Variants in ADAM10 observed in about 807,000 individuals in gnomAD.
ADAM10 encodes the protein disintegrin and metalloproteinase domain-containing protein 10.
In ADAM10, 17 loss-of-function variants were observed where a neutral mutation model predicts 90.1. That is an observed-to-expected ratio of 0.19 (90% CI 0.13 to 0.28). ADAM10 has a LOEUF of 0.28. ADAM10 is among the 10% of genes least tolerant of loss of function. ADAM10 has a pLI of 1.00. For missense variants in ADAM10, 610 were observed against 914.3 expected (o/e 0.67, Z 4.29); for synonymous variants, 310 against 298.6 (o/e 1.04, Z -0.40).
chr15:58,672,985 T>G (rs1361747203), intron 4 of ADAM10: 1 of 213,036 alleles, frequency 4.7e-6, no homozygotes, highest in Non-Finnish European at 1.0e-5. Context: ...AGCACCCCTG[T>G]ACACAACTCA....
intron 1 of ADAM10, among the ~76,000 whole-genome samples, chr15:58,725,270 C>T (rs1480990018): frequency 6.6e-6 from 1 of 151,516 alleles, no homozygotes; most frequent in East Asian, 1.9e-4. Context: ...GTAGTGCATG[C>T]CTGCAGTCCC....
chr15:58,705,924 A>C (rs1898273649), intron 2 of ADAM10, among the ~76,000 whole-genome samples: 1 of 152,192 alleles, frequency 6.6e-6, no homozygotes, highest in East Asian at 1.9e-4. Context: ...TACTGTACCT[A>C]ATTTGTAAAC....
At chr15:58,689,320 T>C (rs1897707707) in intron 2 of ADAM10, among the ~76,000 whole-genome samples, 1 of 152,038 alleles carries the variant, frequency 6.6e-6, no homozygotes, top group South Asian at 2.1e-4. Context: ...AGCCTGTCTC[T>C]ACTAAAATAC....
intron 8 of ADAM10, among the ~76,000 whole-genome samples, chr15:58,636,663 A>G (rs575310911): frequency 9.8e-5 from 15 of 152,296 alleles, no homozygotes; most frequent in African/African-American, 3.1e-4. Context: ...TATCTACAGG[A>G]TAGTTTGAGA....
chr15:58,695,786 G>A (rs1176558635), intron 2 of ADAM10, among the ~76,000 whole-genome samples: 1 of 152,074 alleles, frequency 6.6e-6, no homozygotes, highest in African/African-American at 2.4e-5. Context: ...TTCAAGATCA[G>A]CCTGGCCAAC....
rs1281904779 is a variant in ADAM10, at chr15:58,633,259, A to G, written c.1113T>C (p.His371=). ...TAATGTGAGAGACTTTGGGAGGTAC[A>G]TGAGACCCATAGTTCTGAACAGTAA... The part of the protein sequence containing the change: ...GIITVQNYGS[H]VPPKVSHITF... The change falls in exon 9 of 16, where the codon CAT becomes CAC. Residue 371 remains histidine, a synonymous_variant. Transcript: ENST00000260408. 5.0e-6 allele frequency: 8 copies of G among 1,613,360 alleles called. No homozygotes were observed. The highest frequency in any genetic ancestry group is 1.3e-5 in the African/African-American group (1 of 74,918).
intron 2 of ADAM10, among the ~76,000 whole-genome samples, chr15:58,683,722 T>C (rs1425026811): frequency 6.6e-6 from 1 of 151,748 alleles, no homozygotes; most frequent in Non-Finnish European, 1.5e-5. Context: ...TAGCCAGGCA[T>C]GGTGGCTTGC....
At chr15:58,654,634 T>C (rs1013182563) in intron 5 of ADAM10, among the ~76,000 whole-genome samples, 4 of 152,152 alleles carry the variant, frequency 2.6e-5, no homozygotes, top group African/African-American at 7.2e-5. Context: ...CCACATCAGC[T>C]TCCTAAAGTG....
intron 2 of ADAM10, chr15:58,686,455 G>A: frequency 1.4e-6 from 2 of 1,392,568 alleles, no homozygotes; most frequent in South Asian, 1.2e-5. Context: ...GCCTGGTGGA[G>A]CAGCTCAAGT....
At chr15:58,597,682 T>A in intron 15 of ADAM10, 41 bp from the exon 16 acceptor site, 1 of 1,609,284 alleles carries the variant, frequency 6.2e-7, no homozygotes, top group South Asian at 1.1e-5. Context: ...TTATTTATCA[T>A]GAGCTTTTTA....
In ADAM10 at chr15:58,593,434, ACCT is replaced by A. The variant is rs1894874102; in HGVS notation, c.*4110_*4112del. ...TGGCCAGGGTGGTCTCGAACTCCTGACCTCAAGTGATCCACCCGCCTTGGCCTC... is the reference window on the plus strand; with the variant it reads ...TGGCCAGGGTGGTCTCGAACTCCTGACAAGTGATCCACCCGCCTTGGCCTC... On this transcript the variant is annotated 3_prime_UTR_variant, in exon 16 of 16. Coordinates refer to ENST00000260408, the MANE Select transcript of ADAM10 (RefSeq NM_001110.4). The A allele has an allele frequency of 6.6e-6, 1 of 152,206 alleles. No homozygotes were observed. Among genetic ancestry groups the A allele is most frequent in the East Asian group, 1.9e-4 (1 of 5,176 alleles). 9.4% of individuals were successfully genotyped at this position (152,206 alleles called of 1,614,324 possible).
At chr15:58,651,729 A>G (rs573206418) in intron 5 of ADAM10, among the ~76,000 whole-genome samples, 51 of 152,304 alleles carry the variant, frequency 3.3e-4, no homozygotes, top group African/African-American at 1.1e-3. Context: ...ATGGGAGTGC[A>G]GCTATCTCTA....
At chr15:58,693,093 G>A (rs973278892) in intron 2 of ADAM10, 5 of 745,572 alleles carry the variant, frequency 6.7e-6, no homozygotes, top group Non-Finnish European at 1.3e-5. Flanking sequence ...AAATCTCCTT[G>A]TTGGAATAGA....
rs1896395213 is a variant in ADAM10, at chr15:58,640,686, C to T, written c.1012+91G>A. On this transcript the variant is annotated intron_variant, in intron 8 of 15. Transcript: ENST00000260408. ...AAATTAGGATATTATACAGGCATCA[C>T]TTTCTCCTATACTTTGAAAATTCAA... The T allele has an allele frequency of 4.0e-6, 5 of 1,258,100 alleles. No individual in the cohort carries two copies. In the Admixed American group the frequency reaches 9.7e-5, roughly 24 times the overall value. The allele number at this position is 1,258,100 out of a possible 1,614,324, so 77.9% of individuals were successfully genotyped here. A position where few individuals can be genotyped will look rare whatever the true frequency, so the allele number is the denominator to read the frequency against.
chr15:58,614,636 C>T (rs1398187770), intron 11 of ADAM10, among the ~76,000 whole-genome samples: 1 of 152,116 alleles, frequency 6.6e-6, no homozygotes, highest in Non-Finnish European at 1.5e-5. Flanking sequence ...AGTCTATACC[C>T]AGCAAAACTA....
At chr15:58,679,337 T>G (rs1255236152) in intron 3 of ADAM10, 55 bp from the exon 4 acceptor site, 1 of 1,472,746 alleles carries the variant, frequency 6.8e-7, no homozygotes, top group Non-Finnish European at 9.5e-7. Context: ...GAATGTTAAA[T>G]TCATTCATAT....
chr15:58,702,762 C>A (rs1263351631), intron 2 of ADAM10, among the ~76,000 whole-genome samples: 1 of 152,072 alleles, frequency 6.6e-6, no homozygotes, highest in Non-Finnish European at 1.5e-5. Context: ...AATCACATAT[C>A]AAAATTCACT....
intron 1 of ADAM10, among the ~76,000 whole-genome samples, chr15:58,729,481 GACTC>G (rs1399603149): frequency 6.6e-6 from 1 of 152,140 alleles, no homozygotes; most frequent in African/African-American, 2.4e-5. Context: ...CCCCACAAAT[GACTC>G]AGGCTCTACC....
At chr15:58,603,695 C>T (rs559791486) in intron 14 of ADAM10, among the ~76,000 whole-genome samples, 66 of 151,740 alleles carry the variant, frequency 4.3e-4, no homozygotes, top group African/African-American at 1.6e-3. Flanking sequence ...CAAAGATTTC[C>T]AAGATAGACC....
Sources: allele counts gnomAD v4.1 joint callset (sites outside exome capture counted in the v4.1 genomes callset), GRCh38; gene constraint gnomAD v4.1.1; transcripts MANE v1.5; gene names NCBI Gene and HGNC (gene_info 2026-07-23, HGNC 2026-07-21).